The following CADPS variants were observed in gnomAD, a reference collection of about 807,000 sequenced individuals.
The protein encoded by CADPS is calcium-dependent secretion activator 1.
A neutral mutation model predicts 167.3 loss-of-function variants in CADPS; 57 were observed. The observed-to-expected ratio is 0.34, with a 90% CI of 0.28 to 0.42. CADPS has a LOEUF of 0.42. Among genes scored for constraint, CADPS ranks in the 20% least tolerant of loss-of-function variants. The pLI is 1.00. For missense variants in CADPS, 1,414 were observed against 1,738.1 expected, an observed-to-expected ratio of 0.81 and a Z score of 3.32; for synonymous variants, 676 against 635.3, an observed-to-expected ratio of 1.06 and a Z score of -0.96.
At chr3:62,522,978 C>T (rs756446212) in intron 13 of CADPS, among the ~76,000 whole-genome samples, 5 of 152,152 alleles carry the variant, frequency 3.3e-5, no homozygotes, top group Non-Finnish European at 7.3e-5. Flanking sequence ...CGGGCATCTC[C>T]GGAATCCACC....
intron 5 of CADPS, among the ~76,000 whole-genome samples, chr3:62,650,415 A>C (rs1471159451): frequency 6.6e-6 from 1 of 152,166 alleles, no homozygotes; most frequent in Non-Finnish European, 1.5e-5. Flanking sequence ...AGCTGAGATA[A>C]ACTAAAAAAG....
chr3:62,674,381 T>C, intron 3 of CADPS, among the ~76,000 whole-genome samples: 1 of 152,182 alleles, frequency 6.6e-6, no homozygotes, highest in East Asian at 1.9e-4. Context: ...TGGTGGAAAC[T>C]GGGTCTATTC....
intron 21 of CADPS, among the ~76,000 whole-genome samples, chr3:62,489,931 T>C (rs1313623991): frequency 2.0e-5 from 3 of 152,178 alleles, no homozygotes; most frequent in African/African-American, 7.2e-5. Context: ...ATTAAGAGAC[T>C]GTTATAAACT....
At chr3:62,821,284 T>G (rs909269952) in intron 1 of CADPS, among the ~76,000 whole-genome samples, 1 of 152,152 alleles carries the variant, frequency 6.6e-6, no homozygotes, top group Admixed American at 6.5e-5. Flanking sequence ...CAGGCTCACC[T>G]GGGTTCTCTG....
chr3:62,573,963 A>G (rs189118386), intron 8 of CADPS, among the ~76,000 whole-genome samples: 4 of 152,346 alleles, frequency 2.6e-5, no homozygotes, highest in African/African-American at 7.2e-5. Flanking sequence ...TTTAAGTGCC[A>G]TGCTCTTGCG....
intron 1 of CADPS, among the ~76,000 whole-genome samples, chr3:62,817,982 C>T (rs939233237): frequency 6.6e-6 from 1 of 152,120 alleles, no homozygotes; most frequent in Admixed American, 6.6e-5. Context: ...ATAGTAATAC[C>T]TGTGTGGAGC....
intron 3 of CADPS, among the ~76,000 whole-genome samples, chr3:62,663,384 A>T (rs1376671758): frequency 6.6e-6 from 1 of 152,080 alleles, no homozygotes; most frequent in African/African-American, 2.4e-5. Flanking sequence ...TTTCCAAGCA[A>T]CCCCAGCATT....
At chr3:62,423,985 C>T (rs965653964) in intron 28 of CADPS, among the ~76,000 whole-genome samples, 4 of 152,078 alleles carry the variant, frequency 2.6e-5, no homozygotes, top group Admixed American at 1.3e-4. Flanking sequence ...GGAATCTTTC[C>T]TCGTGTTTTC....
chr3:62,748,438 G>A (rs368061895), intron 3 of CADPS, among the ~76,000 whole-genome samples: 5 of 149,558 alleles, frequency 3.3e-5, no homozygotes, highest in African/African-American at 9.8e-5. Flanking sequence ...GAAAATATCC[G>A]CACAGTTTTG....
At chr3:62,546,582 C>T (rs920814236) in intron 11 of CADPS, among the ~76,000 whole-genome samples, 2 of 152,154 alleles carry the variant, frequency 1.3e-5, no homozygotes, top group African/African-American at 4.8e-5. Context: ...GCAGTCAGCT[C>T]TTCAGTATCC....
chr3:62,789,486 C>G (rs1207576800), intron 1 of CADPS, among the ~76,000 whole-genome samples: 1 of 152,126 alleles, frequency 6.6e-6, no homozygotes, highest in African/African-American at 2.4e-5. Context: ...CCTTGTTTTT[C>G]ATAAATTTAA....
chr3:62,534,391 C>A (rs1004994936), intron 12 of CADPS, among the ~76,000 whole-genome samples: 8 of 152,118 alleles, frequency 5.3e-5, no homozygotes, highest in African/African-American at 1.9e-4. Flanking sequence ...TGACAACATG[C>A]AGCTCAGTGA....
intron 3 of CADPS, among the ~76,000 whole-genome samples, chr3:62,737,585 G>A (rs775666157): frequency 6.6e-6 from 1 of 152,044 alleles, no homozygotes; most frequent in Non-Finnish European, 1.5e-5. Flanking sequence ...TCTCTCACTC[G>A]TAAACACCTA....
At chr3:62,584,435 G>T (rs962591743) in intron 8 of CADPS, among the ~76,000 whole-genome samples, 1 of 152,202 alleles carries the variant, frequency 6.6e-6, no homozygotes, top group African/African-American at 2.4e-5. Context: ...CCAGTTGGCA[G>T]CGTACCTGCA....
At position 62,478,269 on chromosome 3, in the gene CADPS, A is replaced by C; in HGVS notation, c.3321T>G (p.Cys1107Trp). ...KLMASDMIES[C>W]VKRTRIAFEV... is the part of the protein sequence containing the mutation. ...CAGCCACCTATACTTACCTTTTGAC[A>C]CAAGATTCGATCATGTCACTTGCCA... The change falls in exon 23 of 30, where the codon TGT (cysteine) becomes TGG (tryptophan). Residue 1107 changes from cysteine (C) to tryptophan (W), a missense_variant. By Grantham distance (215) the Cys-to-Trp change is radical (BLOSUM62 -2). This residue lies in a region of CADPS where 529 missense variants were observed against 629.6 expected (regional missense o/e 0.84). Transcript: ENST00000383710. This position sits in a 1 kb window ranked among gnomAD's most constrained non-coding sequence, Gnocchi z 5.7. The C allele has an allele frequency of 1.2e-6, 2 of 1,613,746 alleles. No homozygotes were observed. Among genetic ancestry groups the C allele is most frequent in the Non-Finnish European group, 1.7e-6 (2 of 1,179,804 alleles).
intron 6 of CADPS, among the ~76,000 whole-genome samples, chr3:62,618,280 C>A (rs1394493668): frequency 6.6e-6 from 1 of 152,008 alleles, no homozygotes; most frequent in African/African-American, 2.4e-5. Context: ...TTCTTAATGT[C>A]ATCGTTTGAG....
chr3:62,820,809 T>TTC lies in CADPS; in HGVS notation c.441+53779_441+53780insGA, dbSNP rs2094877909. ...TCTTTTTTTTGGTTTTTTTTTTTTT[T>TTC]CTGTCTTTTCGAGTCAGAGTCTTGC... On this transcript the variant is annotated intron_variant, in intron 1 of 29. Coordinates refer to ENST00000383710, the MANE Select transcript of CADPS (RefSeq NM_003716.4). Among the ~76,000 whole-genome samples, 3 of 118,198 alleles carry TTC rather than the reference T, an allele frequency of 2.5e-5. No individual in the cohort carries two copies. The South Asian group carries it at 8.8e-4, about 35-fold the overall frequency. The allele number at this position is 118,198 out of a possible 152,430, so 77.5% of individuals were successfully genotyped here. A position where few individuals can be genotyped will look rare whatever the true frequency, so the allele number is the denominator to read the frequency against.
intron 2 of CADPS, among the ~76,000 whole-genome samples, chr3:62,762,871 C>G (rs2085850063): frequency 6.6e-6 from 1 of 152,028 alleles, no homozygotes; most frequent in Non-Finnish European, 1.5e-5. Context: ...AATCCCAGAA[C>G]ATTTTGAGAT....
At chr3:62,555,441 A>G (rs1356364996) in intron 10 of CADPS, among the ~76,000 whole-genome samples, 2 of 152,232 alleles carry the variant, frequency 1.3e-5, no homozygotes, top group Admixed American at 6.5e-5. Context: ...TCATGCAGCT[A>G]TGCTTTACTG....
Sources: gnomAD v4.1 joint callset for allele counts (sites outside exome capture counted in the v4.1 genomes callset) on GRCh38, gnomAD v4.1.1 for gene constraint, gnomAD v4.1.1 regional missense constraint, Gnocchi (gnomAD v3.1) non-coding constraint, MANE v1.5 for transcripts, NCBI Gene and HGNC (gene_info 2026-07-23, HGNC 2026-07-21) for gene names.